The following DSCAML1 variants were observed in gnomAD, a reference collection of about 807,000 sequenced individuals.
The protein encoded by DSCAML1 is cell adhesion molecule DSCAML1.
In DSCAML1, 38 loss-of-function variants were observed where a neutral mutation model predicts 200.5. The observed-to-expected ratio is 0.19, with a 90% CI of 0.15 to 0.25. DSCAML1 has a LOEUF of 0.25. DSCAML1 is among the 10% of genes least tolerant of loss of function. The probability of loss-of-function intolerance (pLI) is 1.00; values close to 1 mark genes in which losing one functional copy is unlikely to be tolerated. For synonymous variants in DSCAML1, 1,215 were observed against 1,165.0 expected, an observed-to-expected ratio of 1.04 and a Z score of -0.87; for missense variants, 2,223 against 2,858.8, an observed-to-expected ratio of 0.78 and a Z score of 5.07.
intron 18 of DSCAML1, among the ~76,000 whole-genome samples, chr11:117,460,867 A>T (rs1224836685): frequency 6.6e-6 from 1 of 151,990 alleles, no homozygotes; most frequent in Non-Finnish European, 1.5e-5. Context: ...TGGCCAAGGG[A>T]GGCTCTCCCT....
chr11:117,698,572 C>T (rs1380465284), intron 3 of DSCAML1, among the ~76,000 whole-genome samples: 1 of 152,074 alleles, frequency 6.6e-6, no homozygotes, highest in Non-Finnish European at 1.5e-5. Flanking sequence ...GGGGTTTGAT[C>T]TCTTGTTATT....
intron 3 of DSCAML1, among the ~76,000 whole-genome samples, chr11:117,690,831 G>A (rs974080503): frequency 1.3e-5 from 2 of 152,234 alleles, no homozygotes; most frequent in Non-Finnish European, 2.9e-5. Context: ...TGGGAAGAAA[G>A]AGGGTGTGGG....
Position 117,814,966 on chromosome 11 carries a change from G to A in DSCAML1, c.-250+2424C>T, listed in dbSNP as rs1035087273. ...TTCCCGTGTGGGCTGGGTTTGGCAC[G>A]CACTCGGTTACTGATTGATAGGCCA... On this transcript the variant is annotated intron_variant, in intron 1 of 2. Coordinates refer to the DSCAML1 transcript ENST00000525836. 4.6e-5 allele frequency among the ~76,000 whole-genome samples: 7 copies of A among 152,208 alleles called. No individual in the cohort carries two copies. In the East Asian group the frequency reaches 5.8e-4, roughly 13 times the overall value.
At chr11:117,796,830 G>A (rs903513214) in intron 1 of DSCAML1, among the ~76,000 whole-genome samples, 1 of 152,120 alleles carries the variant, frequency 6.6e-6, no homozygotes, top group Non-Finnish European at 1.5e-5. Flanking sequence ...CGGCAGACGC[G>A]GGTGGCTGGC....
At chr11:117,716,173 C>T (rs1017836221) in intron 3 of DSCAML1, among the ~76,000 whole-genome samples, 4 of 152,192 alleles carry the variant, frequency 2.6e-5, no homozygotes, top group East Asian at 1.9e-4. Context: ...TCCAACAGCC[C>T]GGAGCGAGGA....
intron 3 of DSCAML1, among the ~76,000 whole-genome samples, chr11:117,585,812 G>A (rs936801473): frequency 1.2e-4 from 19 of 152,160 alleles, no homozygotes; most frequent in African/African-American, 3.4e-4. Context: ...TGGAGGCGCC[G>A]CTGAAATGTC....
At chr11:117,585,767 G>A (rs1353846841) in intron 3 of DSCAML1, among the ~76,000 whole-genome samples, 1 of 152,166 alleles carries the variant, frequency 6.6e-6, no homozygotes, top group Non-Finnish European at 1.5e-5. Context: ...AGCACAGAGA[G>A]GAGGAGTCGC....
At chr11:117,443,635 G>T (rs1023110949) in intron 21 of DSCAML1, among the ~76,000 whole-genome samples, 2 of 152,048 alleles carry the variant, frequency 1.3e-5, no homozygotes, top group South Asian at 4.2e-4. Flanking sequence ...GTTTGGACTC[G>T]GGAACTGAGT....
intron 3 of DSCAML1, among the ~76,000 whole-genome samples, chr11:117,533,255 A>G (rs2050112274): frequency 6.6e-6 from 1 of 152,216 alleles, no homozygotes; most frequent in South Asian, 2.1e-4. Context: ...ACTCTTTCAT[A>G]TTCCTTGCTC....
intron 3 of DSCAML1, among the ~76,000 whole-genome samples, chr11:117,609,269 A>T (rs1193078456): frequency 2.7e-5 from 4 of 148,260 alleles, no homozygotes; most frequent in South Asian, 4.2e-4. Context: ...TGCATTTTTG[A>T]TTACTAGAGA....
chr11:117,609,002 GCAAACAAACAAA>G (rs71037489), intron 3 of DSCAML1, among the ~76,000 whole-genome samples: 35 of 146,784 alleles, frequency 2.4e-4, no homozygotes, highest in Middle Eastern at 3.4e-3. Context: ...CCCCATTTCT[GCAAACAAACAAA>G]CAAACAAACA....
chr11:117,583,792 G>A (rs187281357), intron 3 of DSCAML1, among the ~76,000 whole-genome samples: 218 of 152,358 alleles, frequency 1.4e-3, no homozygotes, highest in Non-Finnish European at 2.3e-3. Flanking sequence ...CTGAATCCAC[G>A]AATGTCAGAA....
At chr11:117,547,881 C>G (rs904550298) in intron 3 of DSCAML1, among the ~76,000 whole-genome samples, 3 of 152,204 alleles carry the variant, frequency 2.0e-5, no homozygotes, top group African/African-American at 7.2e-5. Flanking sequence ...CACGCTGGTC[C>G]TCCGCTCCCA....
chr11:117,731,489 C>A (rs553158511), intron 3 of DSCAML1, among the ~76,000 whole-genome samples: 5 of 152,280 alleles, frequency 3.3e-5, no homozygotes, highest in Admixed American at 3.3e-4. Context: ...TGCCACCTGC[C>A]AGCCATAGAT....
chr11:117,570,117 T>C lies in DSCAML1; in HGVS notation c.512-37595A>G, dbSNP rs184939748. Among the ~76,000 whole-genome samples the C allele has an allele frequency of 2.0e-4, 30 of 152,134 alleles. 1 individual carries two copies. The East Asian group carries it at 5.4e-3, about 28-fold the overall frequency. ...GAATGCGGGAATGTGTTGGGGGATG[T>C]TCAAGCTGGCTCAGCTTTCTAGAGG... On this transcript the variant is annotated intron_variant, in intron 3 of 32. Coordinates refer to ENST00000651296, the MANE Select transcript of DSCAML1 (RefSeq NM_020693.4).
chr11:117,518,327 CGA>C lies in DSCAML1; in HGVS notation c.1510+137_1510+138del, dbSNP rs1314108877. On this transcript the variant is annotated intron_variant, in intron 7 of 32. Coordinates refer to ENST00000651296, the MANE Select transcript of DSCAML1 (RefSeq NM_020693.4). This position sits in a 1 kb window ranked among gnomAD's most constrained non-coding sequence, Gnocchi z 6.3. ...GCTTGAGGAGGGCAGGAAAAGGGGACGAGAGAGGGGAGAGAGACCTCTACTAA... is the reference window on the plus strand; with the variant it reads ...GCTTGAGGAGGGCAGGAAAAGGGGACGAGAGGGGAGAGAGACCTCTACTAA... 211 of 1,180,450 alleles carry C rather than the reference CGA, an allele frequency of 1.8e-4. 3 individuals carry two copies. In the South Asian group the frequency reaches 2.5e-3, roughly 14 times the overall value. The allele number at this position is 1,180,450 out of a possible 1,614,324, so 73.1% of individuals were successfully genotyped here.
chr11:117,512,407 T>C (rs2049643410), intron 8 of DSCAML1, among the ~76,000 whole-genome samples: 1 of 152,102 alleles, frequency 6.6e-6, no homozygotes, highest in Non-Finnish European at 1.5e-5. Flanking sequence ...TCAGCTCTGA[T>C]GGTTCTTCTG....
intron 3 of DSCAML1, among the ~76,000 whole-genome samples, chr11:117,664,057 C>T (rs61034533): frequency 0.016 from 2,484 of 152,262 alleles, 65 homozygotes; most frequent in African/African-American, 0.056. Flanking sequence ...TCCCAGCAGC[C>T]GGGAGGAGGG....
intron 1 of DSCAML1, among the ~76,000 whole-genome samples, chr11:117,782,662 A>G (rs541034049): frequency 6.6e-6 from 1 of 152,278 alleles, no homozygotes; most frequent in South Asian, 2.1e-4. Flanking sequence ...CTCTTAGAAT[A>G]TACACTTAGC....
Sources: gnomAD v4.1 joint callset for allele counts (sites outside exome capture counted in the v4.1 genomes callset) on GRCh38, gnomAD v4.1.1 for gene constraint, Gnocchi (gnomAD v3.1) non-coding constraint, MANE v1.5 for transcripts, NCBI Gene and HGNC (gene_info 2026-07-23, HGNC 2026-07-21) for gene names.